The following CDH6 variants were observed in gnomAD, a reference collection of about 807,000 sequenced individuals.
The protein encoded by CDH6 is cadherin 6, also known as cadherin-6.
In CDH6, 31 loss-of-function variants were observed where a neutral mutation model predicts 78.0. That is an observed-to-expected ratio of 0.40 (90% CI 0.30 to 0.54). CDH6 has a LOEUF of 0.54. Among genes scored for constraint, CDH6 ranks in the 20% least tolerant of loss-of-function variants. The probability of loss-of-function intolerance (pLI) is 0.56; values close to 1 mark genes in which losing one functional copy is unlikely to be tolerated. For synonymous variants in CDH6, 376 were observed against 368.8 expected (o/e 1.02, Z -0.23); for missense variants, 724 against 975.9 (o/e 0.74, Z 3.44).
chr5:31,273,224 T>C (rs1267251905), intron 2 of CDH6, among the ~76,000 whole-genome samples: 1 of 152,212 alleles, frequency 6.6e-6, no homozygotes, highest in Non-Finnish European at 1.5e-5. Context: ...TGTTGCTTTT[T>C]TAAATTCTTA....
chr5:31,254,362 G>A (rs907292555), intron 1 of CDH6, among the ~76,000 whole-genome samples: 5 of 152,180 alleles, frequency 3.3e-5, no homozygotes, highest in African/African-American at 7.2e-5. Context: ...ATTGTATGCC[G>A]AGGTTGCTAA....
chr5:31,286,057 A>G (rs1001018186), intron 2 of CDH6, among the ~76,000 whole-genome samples: 6 of 152,220 alleles, frequency 3.9e-5, no homozygotes, highest in African/African-American at 9.6e-5. Flanking sequence ...AGTGTCTGCT[A>G]TGTGCCAGAA....
At chr5:31,320,348 A>G (rs1007692370) in intron 11 of CDH6, among the ~76,000 whole-genome samples, 1 of 152,198 alleles carries the variant, frequency 6.6e-6, no homozygotes, top group Non-Finnish European at 1.5e-5. Context: ...CCTTCTAGAC[A>G]GTTGCGCTTT....
At chr5:31,287,899 C>T (rs537623380) in intron 2 of CDH6, among the ~76,000 whole-genome samples, 4 of 152,310 alleles carry the variant, frequency 2.6e-5, no homozygotes, top group African/African-American at 7.2e-5. Context: ...ATAACAACAA[C>T]AAAACTTCAA....
At chr5:31,194,975 C>CT (rs1740123502) in intron 1 of CDH6, among the ~76,000 whole-genome samples, 1 of 151,904 alleles carries the variant, frequency 6.6e-6, no homozygotes. Flanking sequence ...ATGCAGGTCT[C>CT]TGTCAGTGCA....
chr5:31,298,939 A>G (rs1456856764), intron 4 of CDH6, among the ~76,000 whole-genome samples: 1 of 152,162 alleles, frequency 6.6e-6, no homozygotes, highest in African/African-American at 2.4e-5. Context: ...TAGTTTTACA[A>G]TTTAGAAAAT....
chr5:31,269,609 C>A (rs1308202990), intron 2 of CDH6, among the ~76,000 whole-genome samples: 2 of 152,080 alleles, frequency 1.3e-5, no homozygotes, highest in Non-Finnish European at 2.9e-5. Flanking sequence ...GGTAAAAAAT[C>A]CGTTGTATAT....
intron 2 of CDH6, among the ~76,000 whole-genome samples, chr5:31,272,897 T>C (rs1742568387): frequency 6.6e-6 from 1 of 152,198 alleles, no homozygotes; most frequent in African/African-American, 2.4e-5. Flanking sequence ...TCAAAAAAAT[T>C]GATAGGCTGT....
intron 1 of CDH6, among the ~76,000 whole-genome samples, chr5:31,244,146 C>T (rs1184322320): frequency 6.6e-6 from 1 of 152,056 alleles, no homozygotes; most frequent in Non-Finnish European, 1.5e-5. Context: ...ATTTTTCTAA[C>T]TGAATTAAGC....
chr5:31,201,094 T>C (rs1389901781), intron 1 of CDH6, among the ~76,000 whole-genome samples: 1 of 152,140 alleles, frequency 6.6e-6, no homozygotes, highest in African/African-American at 2.4e-5. Context: ...CATCACCATT[T>C]AATTCTGGCA....
intron 1 of CDH6, among the ~76,000 whole-genome samples, chr5:31,199,669 A>ATG (rs763899210): frequency 0.044 from 4,138 of 93,976 alleles, 240 homozygotes; most frequent in African/African-American, 0.077. Context: ...GTGTGTGTGT[A>ATG]TGTGTGTGTG....
chr5:31,281,515 A>C (rs1742863758), intron 2 of CDH6, among the ~76,000 whole-genome samples: 1 of 152,196 alleles, frequency 6.6e-6, no homozygotes, highest in Non-Finnish European at 1.5e-5. Context: ...TCTGAAAATG[A>C]AAATGTTAGA....
At chr5:31,237,488 T>C (rs1741483677) in intron 1 of CDH6, among the ~76,000 whole-genome samples, 1 of 152,192 alleles carries the variant, frequency 6.6e-6, no homozygotes, top group Non-Finnish European at 1.5e-5. Context: ...GAGTCCAGTC[T>C]CTATCTTATG....
chr5:31,307,446 G>C (rs901671444), intron 7 of CDH6, among the ~76,000 whole-genome samples: 1 of 152,124 alleles, frequency 6.6e-6, no homozygotes. Context: ...ATAAACTCTT[G>C]TTTTAGCATC....
intron 1 of CDH6, among the ~76,000 whole-genome samples, chr5:31,239,684 C>T (rs907304547): frequency 6.6e-6 from 1 of 152,136 alleles, no homozygotes; most frequent in African/African-American, 2.4e-5. Flanking sequence ...TCCTCATAGG[C>T]AGTTTAAAGG....
chr5:31,244,546 G>T (rs1561039686), intron 1 of CDH6, among the ~76,000 whole-genome samples: 1 of 152,134 alleles, frequency 6.6e-6, no homozygotes, highest in Non-Finnish European at 1.5e-5. Context: ...CAAGAACTGG[G>T]GACTGAGAGG....
intron 2 of CDH6, among the ~76,000 whole-genome samples, chr5:31,283,038 G>A (rs1350234586): frequency 6.6e-6 from 1 of 152,174 alleles, no homozygotes; most frequent in Non-Finnish European, 1.5e-5. Context: ...AAGAGAGAGA[G>A]ACAGACAGAC....
At chr5:31,291,874 A>G (rs1213148263) in intron 2 of CDH6, among the ~76,000 whole-genome samples, 3 of 152,050 alleles carry the variant, frequency 2.0e-5, no homozygotes, top group African/African-American at 7.2e-5. Context: ...CTTCTAAGCA[A>G]TTTCCTCCCC....
At chr5:31,261,614 T>C (rs1209493974) in intron 1 of CDH6, among the ~76,000 whole-genome samples, 2 of 152,220 alleles carry the variant, frequency 1.3e-5, no homozygotes, top group Non-Finnish European at 2.9e-5. Flanking sequence ...ACTGAATGCT[T>C]ATTGTGCTTT....
Sources: allele counts gnomAD v4.1 joint callset (sites outside exome capture counted in the v4.1 genomes callset), GRCh38; gene constraint gnomAD v4.1.1; transcripts MANE v1.5; gene names NCBI Gene and HGNC (gene_info 2026-07-23, HGNC 2026-07-21).